The following RANBP10 variants were observed in gnomAD, a reference collection of about 807,000 sequenced individuals.
RANBP10 encodes ran-binding protein 10.
A neutral mutation model predicts 72.8 loss-of-function variants in RANBP10; 24 were observed. That is an observed-to-expected ratio of 0.33 (90% CI 0.24 to 0.46). The LOEUF (loss-of-function observed/expected upper bound fraction) is 0.46. Among genes scored for constraint, RANBP10 ranks in the 20% least tolerant of loss-of-function variants. The pLI is 1.00. For synonymous variants in RANBP10, 310 were observed against 322.3 expected, an observed-to-expected ratio of 0.96 and a Z score of 0.41; for missense variants, 679 against 817.5, an observed-to-expected ratio of 0.83 and a Z score of 2.07.
intron 3 of RANBP10, among the ~76,000 whole-genome samples, chr16:67,752,996 T>C (rs2054224406): frequency 1.3e-5 from 2 of 151,960 alleles, no homozygotes; most frequent in Non-Finnish European, 2.9e-5. Context: ...TCCCAGCATT[T>C]TGAGAGGCCA....
At chr16:67,750,982 G>A (rs2054184422) in intron 3 of RANBP10, among the ~76,000 whole-genome samples, 2 of 152,040 alleles carry the variant, frequency 1.3e-5, no homozygotes, top group African/African-American at 2.4e-5. Context: ...TAGCCAGGAT[G>A]GTCTCGATCT....
chr16:67,731,317 T>G, intron 7 of RANBP10, 155 bp downstream of exon 7: 1 of 613,918 alleles, frequency 1.6e-6, no homozygotes. Flanking sequence ...AGTGCCATCT[T>G]GAAGGTGGGA....
Position 67,724,535 on chromosome 16 carries a change from T to C in RANBP10, c.*1893A>G, listed in dbSNP as rs1053602328. ...GCCCCAGGCTGTCACAAGAGATGAA[T>C]TTCCTTTACAGACAGGACGCCTCCT... On this transcript the variant is annotated 3_prime_UTR_variant, in exon 14 of 14. Transcript: ENST00000317506. 1.3e-5 allele frequency: 2 copies of C among 152,212 alleles called. No individual in the cohort carries two copies. The highest frequency in any genetic ancestry group is 1.5e-5 in the Non-Finnish European group (1 of 68,036). The allele number at this position is 152,212 out of a possible 1,614,324, so 9.4% of individuals were successfully genotyped here. A position where few individuals can be genotyped will look rare whatever the true frequency, so the allele number is the denominator to read the frequency against.
intron 2 of RANBP10, among the ~76,000 whole-genome samples, chr16:67,804,657 T>C (rs1284422856): frequency 2.6e-5 from 4 of 152,000 alleles, no homozygotes; most frequent in African/African-American, 9.7e-5. Flanking sequence ...CCCGCCTCGG[T>C]CTTCTGAAGT....
intron 11 of RANBP10, 85 bp downstream of exon 11, chr16:67,728,305 G>A (rs903627716): frequency 2.0e-6 from 3 of 1,465,670 alleles, no homozygotes; most frequent in Non-Finnish European, 2.8e-6. Flanking sequence ...GCCAAAGCCT[G>A]CCTACCCCAG....
intron 2 of RANBP10, among the ~76,000 whole-genome samples, chr16:67,799,692 T>A (rs893562183): frequency 2.0e-5 from 3 of 152,136 alleles, no homozygotes; most frequent in African/African-American, 7.2e-5. Context: ...ACATCACCTC[T>A]TATATGATTC....
intron 2 of RANBP10, among the ~76,000 whole-genome samples, chr16:67,788,294 C>T (rs1335982989): frequency 1.3e-5 from 2 of 152,068 alleles, no homozygotes; most frequent in African/African-American, 4.8e-5. Context: ...GCTCTGTCGC[C>T]CAGGCTGGAG....
intron 2 of RANBP10, among the ~76,000 whole-genome samples, chr16:67,804,576 A>AT (rs1032662023): frequency 4.0e-5 from 6 of 151,094 alleles, no homozygotes; most frequent in African/African-American, 9.7e-5. Context: ...TAATTTTTGA[A>AT]TTTTTTTTTA....
chr16:67,748,083 C>A (rs903822766), intron 3 of RANBP10, among the ~76,000 whole-genome samples: 2 of 151,738 alleles, frequency 1.3e-5, no homozygotes, highest in African/African-American at 4.8e-5. Flanking sequence ...CCTCAGCCTC[C>A]CAAAGGGCTG....
At chr16:67,777,133 C>A (rs1412536116) in intron 2 of RANBP10, among the ~76,000 whole-genome samples, 1 of 151,576 alleles carries the variant, frequency 6.6e-6, no homozygotes, top group Non-Finnish European at 1.5e-5. Context: ...TTGCAGGAAC[C>A]CGGGAGGTGG....
chr16:67,729,695 G>A lies in RANBP10; in HGVS notation c.1132C>T (p.His378Tyr), dbSNP rs1261496538. Residue 378 changes from histidine to tyrosine, a missense_variant, in exon 9 of 14, where the codon CAC becomes TAC. Coordinates refer to ENST00000317506, the MANE Select transcript of RANBP10 (RefSeq NM_020850.3). This position sits in a 1 kb window ranked among gnomAD's most constrained non-coding sequence, Gnocchi z 7.1. ...AGTGGCTGACCTGTGTTGTGCATGT[G>A]GGAACTACTGGGGCCATGTCGGGGA... Reference protein sequence around the residue: ...LSPRHGPSSSHMHNTGADSPS... With the variant: ...LSPRHGPSSSYMHNTGADSPS... 6.2e-7 allele frequency: 1 copy of A among 1,612,712 alleles called. No individual in the cohort carries two copies. The highest frequency in any genetic ancestry group is 1.7e-5 in the Admixed American group (1 of 59,920).
In RANBP10 at chr16:67,744,469, G is replaced by A. The variant is rs1248916020; in HGVS notation, c.401-14C>T. 4 of 1,607,680 alleles carry A rather than the reference G, an allele frequency of 2.5e-6. 1 individual carries two copies. The South Asian group carries it at 4.4e-5, about 18-fold the overall frequency. ...GTTTGTCCCAACCTGTGGGGGAAGA[G>A]AGCAGCAATAACTGAGTAGGTACTT... On this transcript the variant is annotated splice_polypyrimidine_tract_variant and intron_variant, in intron 3 of 13. Coordinates refer to ENST00000317506, the MANE Select transcript of RANBP10 (RefSeq NM_020850.3).
intron 2 of RANBP10, among the ~76,000 whole-genome samples, chr16:67,777,645 T>C (rs1332900203): frequency 6.6e-6 from 1 of 152,124 alleles, no homozygotes; most frequent in African/African-American, 2.4e-5. Context: ...TGGAAAGACA[T>C]CCTCTGTTCA....
chr16:67,751,982 A>T (rs79092525), intron 3 of RANBP10, among the ~76,000 whole-genome samples: 32 of 144,926 alleles, frequency 2.2e-4, no homozygotes, highest in African/African-American at 6.3e-4. Flanking sequence ...GAGCTCAATT[A>T]AAAAAAAAAA....
In RANBP10 at chr16:67,729,308, G is replaced by A. The variant is rs1014332177; in HGVS notation, c.1324C>T (p.His442Tyr). 3.1e-6 allele frequency: 5 copies of A among 1,612,642 alleles called. No individual in the cohort carries two copies. Among genetic ancestry groups the A allele is most frequent in the Non-Finnish European group, 4.2e-6 (5 of 1,179,748 alleles). Residue 442 changes from histidine to tyrosine, a missense_variant, in exon 10 of 14, where the codon CAC (histidine) becomes TAC (tyrosine). Transcript: ENST00000317506. This position sits in a 1 kb window ranked among gnomAD's most constrained non-coding sequence, Gnocchi z 7.1. ...NSTDSTKSQH[H>Y]SSTSNQETSD... Reference sequence around the variant, plus strand: ...GTCTCCTGGTTACTGGTACTGCTGTGGTGCTGGGACTTGGTGGAGTCTGTT... The same window carrying A: ...GTCTCCTGGTTACTGGTACTGCTGTAGTGCTGGGACTTGGTGGAGTCTGTT...
In RANBP10 at chr16:67,729,233, C is replaced by A. The variant is rs201648700; in HGVS notation, c.1352+47G>T. On this transcript the variant is annotated intron_variant, in intron 10 of 13. Coordinates refer to ENST00000317506, the MANE Select transcript of RANBP10 (RefSeq NM_020850.3). This position sits in a 1 kb window ranked among gnomAD's most constrained non-coding sequence, Gnocchi z 7.1. Reference sequence around the variant, plus strand: ...AAAGGACAGACTGCAATGGGCCCAGCTGGCATAAGGCAGAAGGCAGAGGAG... The same window carrying A: ...AAAGGACAGACTGCAATGGGCCCAGATGGCATAAGGCAGAAGGCAGAGGAG... 7.7e-4 allele frequency: 1,237 copies of A among 1,597,806 alleles called. 20 individuals carry two copies. The South Asian group carries it at 0.013, about 17-fold the overall frequency.
At chr16:67,740,380 A>G (rs1449368974) in intron 4 of RANBP10, among the ~76,000 whole-genome samples, 1 of 152,052 alleles carries the variant, frequency 6.6e-6, no homozygotes, top group Admixed American at 6.6e-5. Context: ...CTGGGATTAC[A>G]GTCGTGAGCC....
rs748760214 is a variant in RANBP10, at chr16:67,729,917, C to A, written c.998+21G>T. On this transcript the variant is annotated intron_variant, in intron 8 of 13. Coordinates refer to ENST00000317506, the MANE Select transcript of RANBP10 (RefSeq NM_020850.3). The surrounding 1 kb of genome is among the most constrained non-coding windows in gnomAD (Gnocchi z 7.1). ...TGAGAGGGGCTGGACTCTGGGGGAGCTGGGGGTGCCCAAGACTTACTTGAG... is the reference window on the plus strand; with the variant it reads ...TGAGAGGGGCTGGACTCTGGGGGAGATGGGGGTGCCCAAGACTTACTTGAG... The A allele has an allele frequency of 9.3e-6, 15 of 1,613,682 alleles. No individual in the cohort carries two copies. Among genetic ancestry groups the A allele is most frequent in the Non-Finnish European group, 1.3e-5 (15 of 1,179,978 alleles).
rs61418659 is a variant in RANBP10, at chr16:67,741,574, G to A, written c.568+2714C>T. Among the ~76,000 whole-genome samples, 755 of 152,322 alleles carry A rather than the reference G, an allele frequency of 5.0e-3. 8 individuals are homozygous for A. Among genetic ancestry groups the A allele is most frequent in the African/African-American group, 0.017 (715 of 41,564 alleles). ...ACCTTGTGGGAAAGCACAGAGTTGT[G>A]TGGAAATGACTGTGAGCACATGGAC... On this transcript the variant is annotated intron_variant, in intron 4 of 13. Coordinates refer to ENST00000317506, the MANE Select transcript of RANBP10 (RefSeq NM_020850.3).
Sources: gnomAD v4.1 joint callset for allele counts (sites outside exome capture counted in the v4.1 genomes callset) on GRCh38, gnomAD v4.1.1 for gene constraint, Gnocchi (gnomAD v3.1) non-coding constraint, MANE v1.5 for transcripts, NCBI Gene and HGNC (gene_info 2026-07-23, HGNC 2026-07-21) for gene names.